Variants in CRYBB2 observed in about 807,000 individuals in gnomAD.
The protein encoded by CRYBB2 is beta-crystallin B2.
Under a neutral mutation model 24.3 loss-of-function variants are expected in CRYBB2, and 12 were observed. That is an observed-to-expected ratio of 0.49 (90% confidence interval 0.32 to 0.80). The LOEUF (loss-of-function observed/expected upper bound fraction) is 0.80. Among genes scored for constraint, CRYBB2 ranks in the 30% least tolerant of loss-of-function variants. CRYBB2 has a pLI of 0.04. For synonymous variants in CRYBB2, 98 were observed against 101.6 expected (o/e 0.96, Z 0.21); for missense variants, 198 against 268.5 (o/e 0.74, Z 1.83).
At chr22:25,223,157 G>A (rs191192144) in intron 2 of CRYBB2, among the ~76,000 whole-genome samples, 42 of 152,264 alleles carry the variant, frequency 2.8e-4, no homozygotes, top group Admixed American at 9.2e-4. Context: ...CCCCTATTCA[G>A]GTGGGCACCC....
upstream of CRYBB2, among the ~76,000 whole-genome samples, chr22:25,218,151 A>C (rs369102161): frequency 1.3e-3 from 195 of 151,932 alleles, no homozygotes; most frequent in East Asian, 3.9e-3. Context: ...CCCAGCTACT[A>C]GGGAGGCTGA....
At chr22:25,213,024 T>C (rs1935125370) in intron 1 of CRYBB2, among the ~76,000 whole-genome samples, 1 of 152,264 alleles carries the variant, frequency 6.6e-6, no homozygotes, top group African/African-American at 2.4e-5. Flanking sequence ...TTGAAGCTTT[T>C]ACATACCAAA....
chr22:25,215,475 C>T (rs1032519407), upstream of CRYBB2, among the ~76,000 whole-genome samples: 2 of 152,146 alleles, frequency 1.3e-5, no homozygotes. Context: ...AATCTCTGTT[C>T]GAGGCTCTCA....
chr22:25,224,808 G>A, intron 2 of CRYBB2, 110 bp from the exon 3 acceptor site: 2 of 780,816 alleles, frequency 2.6e-6, no homozygotes, highest in East Asian at 2.4e-5. Context: ...CACTCTGGAG[G>A]TGAACCCTTC....
Position 25,229,073 on chromosome 22 carries a change from G to T in CRYBB2, c.307-363G>T, listed in dbSNP as rs8135945. 1.8e-3 allele frequency among the ~76,000 whole-genome samples: 265 copies of T among 150,268 alleles called. 1 individual carries two copies. Among genetic ancestry groups the T allele is most frequent in the African/African-American group, 6.0e-3 (243 of 40,522 alleles). On this transcript the variant is annotated intron_variant, in intron 4 of 5. Coordinates refer to ENST00000398215, the MANE Select transcript of CRYBB2 (RefSeq NM_000496.3). ...GTGGTGTGCGTGTGTGCATGTGTGC[G>T]TGTGCACACATGTGTGGGTGTGCAT...
chr22:25,231,780 C>T lies in CRYBB2; in HGVS notation c.*8C>T. On this transcript the variant is annotated 3_prime_UTR_variant, in exon 6 of 6. Transcript: ENST00000398215. The stretch of plus-strand genomic sequence containing the variant: ...TTCCACCCCTCCAACTAGTGCCCTC[C>T]CCACCATGCCTCCTTCCCAGGACCC... 5 of 1,613,752 alleles carry T rather than the reference C, an allele frequency of 3.1e-6. No individual in the cohort carries two copies. The highest frequency in any genetic ancestry group is 3.4e-6 in the Non-Finnish European group (4 of 1,179,658).
intron 2 of CRYBB2, among the ~76,000 whole-genome samples, chr22:25,222,217 C>G (rs1935333480): frequency 6.6e-6 from 1 of 152,198 alleles, no homozygotes; most frequent in African/African-American, 2.4e-5. Context: ...GCCTCCTGGG[C>G]CAGGGAAGCC....
At chr22:25,228,678 C>T (rs1935466739) in intron 4 of CRYBB2, among the ~76,000 whole-genome samples, 1 of 152,246 alleles carries the variant, frequency 6.6e-6, no homozygotes, top group African/African-American at 2.4e-5. Flanking sequence ...GGCTGTGCTG[C>T]TCCCAGCTGT....
chr22:25,223,142 G>C (rs1010011039), intron 2 of CRYBB2, among the ~76,000 whole-genome samples: 3 of 152,114 alleles, frequency 2.0e-5, no homozygotes, highest in African/African-American at 7.2e-5. Context: ...TTCCTCACCT[G>C]CCTACCCCTA....
Position 25,231,625 on chromosome 22 carries a change from C to T in CRYBB2, c.471C>T (p.Pro157=), listed in dbSNP as rs745938679. The change falls in exon 6 of 6, where the codon CCC becomes CCT. Residue 157 remains proline, a synonymous_variant. Coordinates refer to ENST00000398215, the MANE Select transcript of CRYBB2 (RefSeq NM_000496.3). ...QSGTWVGYQY[P]GYRGLQYLLE... ...GCAGGTGGGTTGGCTACCAGTACCC[C>T]GGCTACCGTGGGCTGCAGTACCTGC... is the stretch of plus-strand genomic sequence containing the variant. 55 of 1,614,172 alleles carry T rather than the reference C, an allele frequency of 3.4e-5. No homozygotes were observed. The highest frequency in any genetic ancestry group is 9.3e-5 in the African/African-American group (7 of 75,056).
At chr22:25,229,090 G>GGTGTGCATGTGTGTGT (rs1569021447) in intron 4 of CRYBB2, among the ~76,000 whole-genome samples, 1 of 145,568 alleles carries the variant, frequency 6.9e-6, no homozygotes, top group African/African-American at 2.6e-5. Context: ...CACATGTGTG[G>GGTGTGCATGTGTGTGT]GTGTGCATGT....
chr22:25,223,554 C>A (rs1601419645), intron 2 of CRYBB2, among the ~76,000 whole-genome samples: 1 of 152,280 alleles, frequency 6.6e-6, no homozygotes, highest in Non-Finnish European at 1.5e-5. Context: ...TGTCTCCTGA[C>A]CCTATCTCTG....
At chr22:25,227,822 C>T in intron 3 of CRYBB2, 31 bp from the exon 4 acceptor site, 1 of 1,613,874 alleles carries the variant, frequency 6.2e-7, no homozygotes. Flanking sequence ...GTGGAACTGA[C>T]CTGCCCCCTT....
Position 25,231,842 on chromosome 22 carries a change from G to C in CRYBB2, c.*70G>C. The C allele has an allele frequency of 2.7e-6, 4 of 1,458,222 alleles. No homozygotes were observed. In the South Asian group the frequency reaches 4.5e-5, roughly 17 times the overall value. 90.3% of individuals were successfully genotyped at this position (1,458,222 alleles called of 1,614,324 possible). A position where few individuals can be genotyped will look rare whatever the true frequency, so the allele number is the denominator to read the frequency against. ...CCAGGAACCCTCCAGACCTCCCAGA[G>C]AGTGAATAAAGTGTGACTTGCAACT... On this transcript the variant is annotated 3_prime_UTR_variant, in exon 6 of 6. Coordinates refer to ENST00000398215, the MANE Select transcript of CRYBB2 (RefSeq NM_000496.3).
At chr22:25,222,960 A>G (rs1935345915) in intron 2 of CRYBB2, among the ~76,000 whole-genome samples, 1 of 152,160 alleles carries the variant, frequency 6.6e-6, no homozygotes, top group African/African-American at 2.4e-5. Context: ...TGGACTAATT[A>G]CATGTGCTCA....
chr22:25,218,782 G>GAA (rs1472618313), upstream of CRYBB2, among the ~76,000 whole-genome samples: 44 of 38,836 alleles, frequency 1.1e-3, 1 homozygote, highest in African/African-American at 5.3e-3. Context: ...AGAGAGAGAA[G>GAA]AAAGAAAGAA....
At chr22:25,226,168 CTGTGTGTGTG>C (rs3064285) in intron 3 of CRYBB2, among the ~76,000 whole-genome samples, 42,517 of 149,006 alleles carry the variant, frequency 0.29, 7,161 homozygotes, top group East Asian at 0.57. Flanking sequence ...TTGGATTTCT[CTGTGTGTGTG>C]TGTGTGTGTG....
chr22:25,223,429 C>T (rs375007587), intron 2 of CRYBB2, among the ~76,000 whole-genome samples: 36 of 152,278 alleles, frequency 2.4e-4, no homozygotes, highest in East Asian at 5.8e-4. Context: ...ACTCTAGCCC[C>T]GAACTTCCAC....
In CRYBB2 at chr22:25,222,469, C is replaced by T. The variant is rs528884246; in HGVS notation, c.54+986C>T. ...CAGACACCTGGGTCAAGTGAGGAAG[C>T]GGCTATATGAAAATTGGGGGTGCCT... On this transcript the variant is annotated intron_variant, in intron 2 of 5. Transcript: ENST00000398215. 1.1e-4 allele frequency among the ~76,000 whole-genome samples: 16 copies of T among 152,200 alleles called. No individual in the cohort carries two copies. The East Asian group carries it at 1.2e-3, about 11-fold the overall frequency.
Sources: gnomAD v4.1 joint callset for allele counts (sites outside exome capture counted in the v4.1 genomes callset) on GRCh38, gnomAD v4.1.1 for gene constraint, MANE v1.5 for transcripts, NCBI Gene and HGNC (gene_info 2026-07-23, HGNC 2026-07-21) for gene names.